The following FMR1NB variants were observed in gnomAD, a reference collection of about 807,000 sequenced individuals.
FMR1NB encodes the protein FMR1 neighbor, also known as FMR1 neighbor protein.
Under a neutral mutation model 16.8 loss-of-function variants are expected in FMR1NB, and 10 were observed. That is an observed-to-expected ratio of 0.60 (90% CI 0.37 to 1.01). The LOEUF is 1.01. Among genes scored for constraint, FMR1NB ranks in the 50% least tolerant of loss-of-function variants. The pLI is 0.01. For missense variants in FMR1NB, 205 were observed against 204.8 expected (o/e 1.00, Z 0.00); for synonymous variants, 83 against 79.1 (o/e 1.05, Z -0.26).
intron 1 of FMR1NB, among the ~76,000 whole-genome samples, chrX:147,989,865 G>A (rs1208356783): frequency 9.1e-6 from 1 of 110,309 alleles, no homozygotes; most frequent in Non-Finnish European, 1.9e-5. Flanking sequence ...AAGCTCAATT[G>A]TCCCAGGTCG....
At chrX:147,988,005 C>T (rs185455945) in intron 1 of FMR1NB, among the ~76,000 whole-genome samples, 166 of 111,317 alleles carry the variant, frequency 1.5e-3, no homozygotes, top group African/African-American at 4.0e-3. Context: ...GGCATTTAGC[C>T]GATTTACATT....
At chrX:148,004,817 C>CA (rs1352305852) in intron 2 of FMR1NB, among the ~76,000 whole-genome samples, 1 of 111,285 alleles carries the variant, frequency 9.0e-6, no homozygotes, top group African/African-American at 3.2e-5. Context: ...TTAAACCTGA[C>CA]AAAAAAAAAT....
chrX:147,981,668 A>T lies in FMR1NB; in HGVS notation c.266A>T (p.Tyr89Phe). Reference sequence around the variant, plus strand: ...TTCGTGTGCTACTACCTGTCCTACTACCTGTGCTCCGGTGAGTGCTGGCTC... The same window carrying T: ...TTCGTGTGCTACTACCTGTCCTACTTCCTGTGCTCCGGTGAGTGCTGGCTC... Reference protein sequence around the residue: ...LLFVCYYLSYYLCSGSSYFVL... With the variant: ...LLFVCYYLSYFLCSGSSYFVL... Residue 89 changes from tyrosine (Y) to phenylalanine (F), a missense_variant, in exon 1 of 6, where the codon TAC becomes TTC. Physicochemically the swap from Tyr to Phe is conservative, Grantham distance 22. Transcript: ENST00000370467. The T allele has an allele frequency of 9.7e-7, 1 of 1,036,202 alleles. No individual in the cohort carries two copies. The highest frequency in any genetic ancestry group is 3.0e-4 in the Middle Eastern group (1 of 3,384). The allele number at this position is 1,036,202 out of a possible 1,213,427, so 85.4% of individuals were successfully genotyped here. A position where few individuals can be genotyped will look rare whatever the true frequency, so the allele number is the denominator to read the frequency against.
chrX:148,018,877 G>C (rs1318844357), intron 4 of FMR1NB, among the ~76,000 whole-genome samples: 2 of 111,639 alleles, frequency 1.8e-5, no homozygotes, highest in Non-Finnish European at 3.8e-5. Flanking sequence ...TACCATCAGT[G>C]TGAACAGGCA....
chrX:148,017,734 C>T (rs1330611508), intron 4 of FMR1NB, among the ~76,000 whole-genome samples: 1 of 85,080 alleles, frequency 1.2e-5, no homozygotes, highest in African/African-American at 4.3e-5. Context: ...ATTCCCCTTC[C>T]TGTGTCCATG....
chrX:147,992,778 G>T (rs1343515835), intron 1 of FMR1NB, among the ~76,000 whole-genome samples: 2 of 75,134 alleles, frequency 2.7e-5, no homozygotes, highest in Non-Finnish European at 4.8e-5. Flanking sequence ...CATCCCAGAT[G>T]GGGTGGCGGG....
At chrX:148,006,016 A>G (rs1310568647) in intron 2 of FMR1NB, among the ~76,000 whole-genome samples, 2 of 111,639 alleles carry the variant, frequency 1.8e-5, no homozygotes, top group Admixed American at 9.5e-5. Context: ...TGTGCTTTTT[A>G]GTTTGTATTT....
intron 1 of FMR1NB, among the ~76,000 whole-genome samples, chrX:147,998,659 G>A (rs1324968433): frequency 8.9e-6 from 1 of 112,548 alleles, no homozygotes; most frequent in African/African-American, 3.2e-5. Context: ...GCCGTGTTTG[G>A]TGTCATGGTA....
intron 2 of FMR1NB, among the ~76,000 whole-genome samples, chrX:148,005,500 A>G (rs2044591949): frequency 8.9e-6 from 1 of 111,806 alleles, no homozygotes; most frequent in African/African-American, 3.3e-5. Flanking sequence ...GCAGAATTGA[A>G]GAACAGATTA....
intron 4 of FMR1NB, among the ~76,000 whole-genome samples, chrX:148,009,895 T>C (rs1003123443): frequency 8.9e-6 from 1 of 111,981 alleles, no homozygotes; most frequent in Non-Finnish European, 1.9e-5. Context: ...TTTTGGCCCT[T>C]CCTTCTTCTC....
Position 147,981,646 on chromosome X carries a change from G to A in FMR1NB, c.244G>A (p.Val82Met). The change falls in exon 1 of 6, where the codon GTG becomes ATG. Residue 82 changes from valine (V) to methionine (M), a missense_variant. Transcript: ENST00000370467. Reference protein sequence around the residue: ...LMLSIWILLFVCYYLSYYLCS... With the variant: ...LMLSIWILLFMCYYLSYYLCS... ...GCTCTCCATTTGGATCCTGCTGTTC[G>A]TGTGCTACTACCTGTCCTACTACCT... 6 of 1,202,094 alleles carry A rather than the reference G, an allele frequency of 5.0e-6. No homozygotes were observed. In the African/African-American group the frequency reaches 5.3e-5, roughly 11 times the overall value.
chrX:148,009,528 T>A (rs1426256899), intron 4 of FMR1NB, among the ~76,000 whole-genome samples: 5 of 108,482 alleles, frequency 4.6e-5, no homozygotes, highest in Non-Finnish European at 7.6e-5. Flanking sequence ...TTTTTTTTTT[T>A]ATAGCTCCCC....
Position 148,017,808 on chromosome X carries a change from C to T in FMR1NB, c.633-7057C>T, listed in dbSNP as rs1199824908. Among the ~76,000 whole-genome samples, 254 of 102,924 alleles carry T rather than the reference C, an allele frequency of 2.5e-3. 1 individual carries two copies. Among genetic ancestry groups the T allele is most frequent in the African/African-American group, 8.3e-3 (233 of 28,040 alleles). 89.4% of individuals were successfully genotyped at this position (102,924 alleles called of 115,157 possible). A position where few individuals can be genotyped will look rare whatever the true frequency, so the allele number is the denominator to read the frequency against. ...TGCGGTGTTTGGTTTTTTGTTCTTGCGATAGTTTACTGAGAATGATGATTT... is the reference window on the plus strand; with the variant it reads ...TGCGGTGTTTGGTTTTTTGTTCTTGTGATAGTTTACTGAGAATGATGATTT... On this transcript the variant is annotated intron_variant, in intron 4 of 5. Coordinates refer to ENST00000370467, the MANE Select transcript of FMR1NB (RefSeq NM_152578.3).
chrX:148,021,236 T>G (rs2044676452), intron 4 of FMR1NB, among the ~76,000 whole-genome samples: 1 of 111,552 alleles, frequency 9.0e-6, no homozygotes, highest in Non-Finnish European at 1.9e-5. Flanking sequence ...AGTGCACAGA[T>G]TCTCTTTCTG....
rs1379120654 is a variant in FMR1NB at position 148,008,604 on chromosome X, A to G, written c.539-14A>G. ...TTAAGTCATGAAAGTAACAGGATAT[A>G]ATTAAACCAACAGTGCCTAAACAGA... is the stretch of plus-strand genomic sequence containing the variant. On this transcript the variant is annotated splice_polypyrimidine_tract_variant and intron_variant, in intron 3 of 5. Transcript: ENST00000370467. The G allele has an allele frequency of 2.5e-6, 3 of 1,201,605 alleles. No individual in the cohort carries two copies. The highest frequency in any genetic ancestry group is 5.9e-5 in the East Asian group (2 of 33,676).
At chrX:148,016,901 A>G (rs990250533) in intron 4 of FMR1NB, among the ~76,000 whole-genome samples, 1 of 111,346 alleles carries the variant, frequency 9.0e-6, no homozygotes, top group African/African-American at 3.3e-5. Flanking sequence ...CAACAAAGTT[A>G]CTTTGTTATA....
chrX:148,009,149 C>T (rs1159545509), intron 4 of FMR1NB, among the ~76,000 whole-genome samples: 1 of 111,818 alleles, frequency 8.9e-6, no homozygotes, highest in African/African-American at 3.3e-5. Context: ...CACCACTGCA[C>T]TCCAGTCTCA....
At chrX:147,996,369 A>G (rs2044541479) in intron 1 of FMR1NB, among the ~76,000 whole-genome samples, 1 of 111,833 alleles carries the variant, frequency 8.9e-6, no homozygotes, top group African/African-American at 3.3e-5. Flanking sequence ...CGAGAAGTTT[A>G]CTGACATGCT....
chrX:147,981,619 A>G lies in FMR1NB; in HGVS notation c.217A>G (p.Met73Val), dbSNP rs1015044759. Reference protein sequence around the residue: ...MRVSKPFGMLMLSIWILLFVC... With the variant: ...MRVSKPFGMLVLSIWILLFVC... ...GGTCAGCAAACCCTTTGGGATGCTC[A>G]TGCTCTCCATTTGGATCCTGCTGTT... The change falls in exon 1 of 6, where the codon ATG becomes GTG. Residue 73 changes from methionine (M) to valine (V), a missense_variant. Physicochemically the swap from Met to Val is conservative, Grantham distance 21. Transcript: ENST00000370467. 1 of 1,209,338 alleles carries G rather than the reference A, an allele frequency of 8.3e-7. No homozygotes were observed.
Sources: gnomAD v4.1 joint callset for allele counts (sites outside exome capture counted in the v4.1 genomes callset) on GRCh38, gnomAD v4.1.1 for gene constraint, MANE v1.5 for transcripts, NCBI Gene and HGNC (gene_info 2026-07-23, HGNC 2026-07-21) for gene names.